The following PLEKHG6 variants were observed in gnomAD, a reference collection of about 807,000 sequenced individuals.
The protein encoded by PLEKHG6 is pleckstrin homology domain-containing family G member 6.
In PLEKHG6, 91 loss-of-function variants were observed where a neutral mutation model predicts 97.5. The observed-to-expected ratio is 0.93, with a 90% CI of 0.79 to 1.11. PLEKHG6 has a LOEUF of 1.11. Ranked by LOEUF, PLEKHG6 falls within the 50% of genes most tolerant of loss-of-function variation. PLEKHG6 has a pLI of 0.00. For synonymous variants in PLEKHG6, 466 were observed against 425.5 expected (o/e 1.10, Z -1.17); for missense variants, 1,044 against 1,031.0 (o/e 1.01, Z -0.17).
At chr12:6,323,916 G>T (rs1032586483) in intron 13 of PLEKHG6, among the ~76,000 whole-genome samples, 1 of 152,146 alleles carries the variant, frequency 6.6e-6, no homozygotes, top group Non-Finnish European at 1.5e-5. Flanking sequence ...AAGTCAGTGG[G>T]CACGTTTCAG....
chr12:6,317,389 C>A lies in PLEKHG6; in HGVS notation c.843C>A (p.Asn281Lys). 1 of 1,613,904 alleles carries A rather than the reference C, an allele frequency of 6.2e-7. No homozygotes were observed. Among genetic ancestry groups the A allele is most frequent in the African/African-American group, 1.3e-5 (1 of 75,046 alleles). Residue 281 changes from asparagine to lysine, a missense_variant, in exon 8 of 16, where the codon AAC becomes AAA. Physicochemically the swap from Asn to Lys is moderately conservative, Grantham distance 94. Coordinates refer to ENST00000684764, the MANE Select transcript of PLEKHG6 (RefSeq NM_001384598.1). Reference protein sequence around the residue: ...MAYAREQQETNPLFHAFVQWC... With the variant: ...MAYAREQQETKPLFHAFVQWC... ...ACGCCCGAGAACAGCAAGAAACTAA[C>A]CCTCTCTTCCATGCCTTCGTGCAGG...
At chr12:6,325,612 C>G (rs1257519433) in intron 13 of PLEKHG6, among the ~76,000 whole-genome samples, 1 of 152,180 alleles carries the variant, frequency 6.6e-6, no homozygotes, top group East Asian at 1.9e-4. Context: ...CACCTCTGCC[C>G]ACGTTCTGCC....
Position 6,317,881 on chromosome 12 carries a change from C to A in PLEKHG6, c.1042C>A (p.Arg348=), listed in dbSNP as rs141353120. The A allele has an allele frequency of 2.0e-5, 31 of 1,555,532 alleles. No homozygotes were observed. Among genetic ancestry groups the A allele is most frequent in the Non-Finnish European group, 2.6e-5 (30 of 1,148,964 alleles). ...GATTGAAGCCGTGGAGTCATTCCTG[C>A]GACACATCAATGGGCAGGTCCGCCA... ...AMIEAVESFL[R]HINGQVRQGE... is the part of the protein sequence containing the mutation. The change falls in exon 10 of 16, where the codon CGA becomes AGA. Residue 348 remains arginine, a synonymous_variant. Transcript: ENST00000684764.
rs146920742 is a variant in PLEKHG6, at chr12:6,317,734, G to A, written c.1017+38G>A. 3.7e-6 allele frequency: 6 copies of A among 1,606,444 alleles called. No homozygotes were observed. In the African/African-American group the frequency reaches 8.0e-5, roughly 21 times the overall value. On this transcript the variant is annotated intron_variant, in intron 9 of 15. Coordinates refer to ENST00000684764, the MANE Select transcript of PLEKHG6 (RefSeq NM_001384598.1). Reference sequence around the variant, plus strand: ...GTGGGGCTGGGACTCTGGTGAATCGGGGACTGGGAGGGGGGTCTCTTTCTT... The same window carrying A: ...GTGGGGCTGGGACTCTGGTGAATCGAGGACTGGGAGGGGGGTCTCTTTCTT...
At chr12:6,313,894 G>C in intron 3 of PLEKHG6, 110 bp downstream of exon 3, 2 of 1,018,320 alleles carry the variant, frequency 2.0e-6, no homozygotes, top group South Asian at 3.4e-5. Flanking sequence ...GGAGGCTGCT[G>C]CCTGCCAGTC....
In PLEKHG6 at chr12:6,312,614, T is replaced by A. The variant is rs1947313570; in HGVS notation, c.138+250T>A. Reference sequence around the variant, plus strand: ...AAGCCAGGCCCTCCGAGGAGTGCTGTTAGACAGGTCTCAGACAAAGAGCTG... The same window carrying A: ...AAGCCAGGCCCTCCGAGGAGTGCTGATAGACAGGTCTCAGACAAAGAGCTG... On this transcript the variant is annotated intron_variant, in intron 2 of 15. Transcript: ENST00000684764. 3.1e-6 allele frequency: 4 copies of A among 1,294,784 alleles called. No homozygotes were observed. In the Admixed American group the frequency reaches 1.6e-4, roughly 52 times the overall value. 80.2% of individuals were successfully genotyped at this position (1,294,784 alleles called of 1,614,324 possible). A position where few individuals can be genotyped will look rare whatever the true frequency, so the allele number is the denominator to read the frequency against.
At chr12:6,323,457 G>A (rs1375595300) in intron 13 of PLEKHG6, among the ~76,000 whole-genome samples, 2 of 152,248 alleles carry the variant, frequency 1.3e-5, no homozygotes, top group Non-Finnish European at 2.9e-5. Context: ...CACCCTGGCA[G>A]AAACGTTGAC....
At chr12:6,312,836 G>T (rs1947321905) in intron 2 of PLEKHG6, 3 of 1,266,234 alleles carry the variant, frequency 2.4e-6, no homozygotes, top group Non-Finnish European at 3.0e-6. Flanking sequence ...GGCTCCACCT[G>T]CCTGGCTCTC....
At chr12:6,317,485 G>T in intron 8 of PLEKHG6, 62 bp from the exon 9 acceptor site, 1 of 1,612,446 alleles carries the variant, frequency 6.2e-7, no homozygotes, top group Non-Finnish European at 8.5e-7. Flanking sequence ...GCCTGAGGCT[G>T]AGTTCACCAC....
Position 6,315,454 on chromosome 12 carries a change from G to A in PLEKHG6, c.460-100G>A. 1 of 790,456 alleles carries A rather than the reference G, an allele frequency of 1.3e-6. No individual in the cohort carries two copies. The allele number at this position is 790,456 out of a possible 1,614,324, so 49.0% of individuals were successfully genotyped here. On this transcript the variant is annotated intron_variant, in intron 4 of 15. Transcript: ENST00000684764. The surrounding 1 kb of genome is among the most constrained non-coding windows in gnomAD (Gnocchi z 4.5). Reference sequence around the variant, plus strand: ...TTAAAAGGTCATGGTCATGCACAAAGTGCCTAGAACCTATGAAGTGGATCC... The same window carrying A: ...TTAAAAGGTCATGGTCATGCACAAAATGCCTAGAACCTATGAAGTGGATCC...
In PLEKHG6 at chr12:6,316,005, G is replaced by T; in HGVS notation, c.606+86G>T. On this transcript the variant is annotated intron_variant, in intron 6 of 15. Coordinates refer to ENST00000684764, the MANE Select transcript of PLEKHG6 (RefSeq NM_001384598.1). This position sits in a 1 kb window ranked among gnomAD's most constrained non-coding sequence, Gnocchi z 4.1. ...GTGGGCCCTCCAGCCATCCCTGTCT[G>T]AATTCCCACTGCCCCGTTTTTTGGG... 1 of 1,268,056 alleles carries T rather than the reference G, an allele frequency of 7.9e-7. No individual in the cohort carries two copies. The highest frequency in any genetic ancestry group is 1.4e-5 in the South Asian group (1 of 72,006). The allele number at this position is 1,268,056 out of a possible 1,614,324, so 78.6% of individuals were successfully genotyped here. A position where few individuals can be genotyped will look rare whatever the true frequency, so the allele number is the denominator to read the frequency against.
chr12:6,324,058 C>T (rs929519768), intron 13 of PLEKHG6, among the ~76,000 whole-genome samples: 11 of 152,104 alleles, frequency 7.2e-5, no homozygotes, highest in African/African-American at 2.4e-4. Flanking sequence ...CTGCTAGGGG[C>T]CCTCCCTTCC....
Position 6,318,735 on chromosome 12 carries a change from C to G in PLEKHG6, c.1276-10C>G, listed in dbSNP as rs1316560286. 1 of 1,613,196 alleles carries G rather than the reference C, an allele frequency of 6.2e-7. No homozygotes were observed. The highest frequency in any genetic ancestry group is 2.2e-5 in the East Asian group (1 of 44,876). On this transcript the variant is annotated splice_polypyrimidine_tract_variant and intron_variant, in intron 11 of 15. Coordinates refer to ENST00000684764, the MANE Select transcript of PLEKHG6 (RefSeq NM_001384598.1). ...GACCCTGTCTCTTTCCCCTACGCCC[C>G]CACCCCCAGCTGGACGTGTACCTGT...
In PLEKHG6 at chr12:6,327,935, T is replaced by C; in HGVS notation, c.2352T>C (p.Pro784=). The change falls in exon 15 of 16, where the codon CCT becomes CCC. Residue 784 remains proline (P), a synonymous_variant. Coordinates refer to ENST00000684764, the MANE Select transcript of PLEKHG6 (RefSeq NM_001384598.1). ...CCCACATCATTCAGCTGGACACCCC[T>C]CTGTCCGCATCGTAAGTGCTGGAGG... ...RGPHIIQLDT[P]LSASEV is the part of the protein sequence containing the mutation. 1 of 1,488,662 alleles carries C rather than the reference T, an allele frequency of 6.7e-7. No individual in the cohort carries two copies. Among genetic ancestry groups the C allele is most frequent in the East Asian group, 2.4e-5 (1 of 42,422 alleles). The allele number at this position is 1,488,662 out of a possible 1,614,324, so 92.2% of individuals were successfully genotyped here. A position where few individuals can be genotyped will look rare whatever the true frequency, so the allele number is the denominator to read the frequency against.
intron 13 of PLEKHG6, among the ~76,000 whole-genome samples, chr12:6,321,571 G>A (rs12816221): frequency 0.53 from 80,205 of 150,918 alleles, 22,188 homozygotes; most frequent in Non-Finnish European, 0.62. Flanking sequence ...GGGCGCGGTG[G>A]CTCACGCCTG....
In PLEKHG6 at chr12:6,316,827, C is replaced by T. The variant is rs1429756607; in HGVS notation, c.756+423C>T. On this transcript the variant is annotated intron_variant, in intron 7 of 15. Coordinates refer to ENST00000684764, the MANE Select transcript of PLEKHG6 (RefSeq NM_001384598.1). The surrounding 1 kb of genome is among the most constrained non-coding windows in gnomAD (Gnocchi z 4.1). ...GACTTTCTTCTACAATGTTACCTAG[C>T]CAGGAAAATGTGGGCCCTGCAGGAA... 6.6e-6 allele frequency among the ~76,000 whole-genome samples: 1 copy of T among 152,132 alleles called. No homozygotes were observed. The highest frequency in any genetic ancestry group is 6.5e-5 in the Admixed American group (1 of 15,276).
chr12:6,315,690 G>A lies in PLEKHG6; in HGVS notation c.555+41G>A. The A allele has an allele frequency of 7.4e-7, 1 of 1,347,076 alleles. No individual in the cohort carries two copies. The allele number at this position is 1,347,076 out of a possible 1,614,324, so 83.4% of individuals were successfully genotyped here. On this transcript the variant is annotated intron_variant, in intron 5 of 15. Coordinates refer to ENST00000684764, the MANE Select transcript of PLEKHG6 (RefSeq NM_001384598.1). This position sits in a 1 kb window ranked among gnomAD's most constrained non-coding sequence, Gnocchi z 4.5. ...CCCCAGCCCCGGCCCCATCTTCCCT[G>A]CATGAGCCCCCATCCTCCCAGACTG...
chr12:6,326,410 G>A lies in PLEKHG6; in HGVS notation c.1525-18G>A, dbSNP rs1265712055. ...TCAATAAATGAGAGCTCTTAATAAC[G>A]AAAGTGTCCTGTCCCAGGCCGCCCT... On this transcript the variant is annotated intron_variant, in intron 13 of 15. Coordinates refer to ENST00000684764, the MANE Select transcript of PLEKHG6 (RefSeq NM_001384598.1). The A allele has an allele frequency of 1.4e-5, 23 of 1,609,996 alleles. No individual in the cohort carries two copies. Among genetic ancestry groups the A allele is most frequent in the East Asian group, 8.9e-5 (4 of 44,810 alleles).
At chr12:6,326,308 A>AAAT (rs137918603) in intron 13 of PLEKHG6, 120 bp from the exon 14 acceptor site, 45 of 558,272 alleles carry the variant, frequency 8.1e-5, no homozygotes, top group Admixed American at 5.6e-4. Flanking sequence ...CAGTCTCAAA[A>AAAT]AATAATAATA....
Sources: allele counts gnomAD v4.1 joint callset (sites outside exome capture counted in the v4.1 genomes callset), GRCh38; gene constraint gnomAD v4.1.1; non-coding constraint Gnocchi (gnomAD v3.1); transcripts MANE v1.5; gene names NCBI Gene and HGNC (gene_info 2026-07-23, HGNC 2026-07-21).